Variants in FANK1 observed in about 807,000 individuals in gnomAD.
FANK1 encodes the protein fibronectin type 3 and ankyrin repeat domains protein 1.
In FANK1, 44 loss-of-function variants were observed where a neutral mutation model predicts 45.3. The observed-to-expected ratio is 0.97, with a 90% confidence interval of 0.76 to 1.25. The LOEUF (loss-of-function observed/expected upper bound fraction) is 1.25, where lower values mean the gene tolerates loss of function less well. FANK1 is among the 50% of genes most tolerant of loss of function. The probability of loss-of-function intolerance (pLI) is 0.00; values close to 1 mark genes in which losing one functional copy is unlikely to be tolerated. For synonymous variants in FANK1, 149 were observed against 152.5 expected, an observed-to-expected ratio of 0.98 and a Z score of 0.17; for missense variants, 391 against 424.4, an observed-to-expected ratio of 0.92 and a Z score of 0.69.
chr10:125,939,835 T>G (rs923759991), intron 1 of FANK1, among the ~76,000 whole-genome samples: 13 of 152,176 alleles, frequency 8.5e-5, no homozygotes, highest in African/African-American at 2.6e-4. Context: ...TCATTCTAAA[T>G]GCTAACATCA....
intron 1 of FANK1, among the ~76,000 whole-genome samples, chr10:125,925,893 T>C (rs775909713): frequency 2.6e-5 from 4 of 152,232 alleles, no homozygotes; most frequent in Non-Finnish European, 5.9e-5. Flanking sequence ...TACATGCATA[T>C]GTGTTTGTGT....
intron 1 of FANK1, among the ~76,000 whole-genome samples, chr10:125,905,053 C>T (rs1308437530): frequency 6.7e-6 from 1 of 150,284 alleles, no homozygotes; most frequent in South Asian, 2.1e-4. Flanking sequence ...ATGGTGTGAA[C>T]CCGGGAGGCG....
At chr10:125,959,664 C>CCTACTCTTT (rs1304604381) in intron 1 of FANK1, among the ~76,000 whole-genome samples, 1 of 152,104 alleles carries the variant, frequency 6.6e-6, no homozygotes, top group Non-Finnish European at 1.5e-5. Context: ...ATTAGTAAAA[C>CCTACTCTTT]CTACTCTTTT....
At chr10:126,008,732 C>CT (rs1169386168) in intron 8 of FANK1, among the ~76,000 whole-genome samples, 182 bp downstream of exon 8, 1 of 152,160 alleles carries the variant, frequency 6.6e-6, no homozygotes, top group Non-Finnish European at 1.5e-5. Flanking sequence ...CTTTCGTTGT[C>CT]TTTTTACAAC....
chr10:126,003,178 T>C (rs1952908692), intron 6 of FANK1, among the ~76,000 whole-genome samples: 1 of 151,876 alleles, frequency 6.6e-6, no homozygotes, highest in East Asian at 1.9e-4. Context: ...GAATGTCCTA[T>C]GTTCTGGATT....
chr10:125,928,280 A>T (rs77149631), intron 1 of FANK1, among the ~76,000 whole-genome samples: 231 of 53,612 alleles, frequency 4.3e-3, no homozygotes, highest in African/African-American at 0.011. Context: ...TTTTTTTTTT[A>T]AAGACCATGT....
chr10:126,009,036 C>T lies in FANK1; in HGVS notation c.850-18C>T. The T allele has an allele frequency of 1.2e-6, 2 of 1,613,152 alleles. No individual in the cohort carries two copies. ...GAGGGAGAAGCTCATGCACACCACC[C>T]TGGGTTTTGTTTTCTAGGTGGCTGT... On this transcript the variant is annotated intron_variant, in intron 8 of 10. Transcript: ENST00000368693.
chr10:125,930,940 T>A (rs1042974768), intron 1 of FANK1, among the ~76,000 whole-genome samples: 4 of 152,192 alleles, frequency 2.6e-5, no homozygotes, highest in African/African-American at 9.6e-5. Flanking sequence ...ATAGCTTAGC[T>A]CCACATATCA....
rs546278160 is a variant in FANK1 at position 125,983,422 on chromosome 10, T to G, written c.191+3084T>G. ...GGAAAAAATTCCTCCCTCATGATGA[T>G]GAAGGCAAACAATAAATAAGATACA... On this transcript the variant is annotated intron_variant, in intron 2 of 10. Transcript: ENST00000368693. The surrounding 1 kb of genome is among the most constrained non-coding windows in gnomAD (Gnocchi z 4.3). Among the ~76,000 whole-genome samples, 1 of 152,166 alleles carries G rather than the reference T, an allele frequency of 6.6e-6. No homozygotes were observed. Among genetic ancestry groups the G allele is most frequent in the African/African-American group, 2.4e-5 (1 of 41,516 alleles).
chr10:125,973,824 G>GTA, intron 1 of FANK1: 1 of 150,082 alleles, frequency 6.7e-6, no homozygotes, highest in Non-Finnish European at 1.5e-5. Flanking sequence ...TTGTTGAGGT[G>GTA]GTGTATGTTC....
At chr10:126,006,686 C>G (rs1291211233) in intron 7 of FANK1, among the ~76,000 whole-genome samples, 1 of 152,168 alleles carries the variant, frequency 6.6e-6, no homozygotes, top group African/African-American at 2.4e-5. Context: ...ATGGTGAAAC[C>G]CTGTCTCTAC....
At chr10:126,004,792 G>C (rs1953054690) in intron 6 of FANK1, 92 bp from the exon 7 acceptor site, 1 of 1,321,940 alleles carries the variant, frequency 7.6e-7, no homozygotes, top group African/African-American at 1.4e-5. Flanking sequence ...CTCAAGTTAG[G>C]ATTTCTTGGT....
intron 1 of FANK1, among the ~76,000 whole-genome samples, chr10:125,916,016 A>G (rs1946419297): frequency 6.6e-6 from 1 of 152,136 alleles, no homozygotes; most frequent in African/African-American, 2.4e-5. Context: ...TCCTCTGTGT[A>G]ATATGAGAAA....
At chr10:125,989,053 C>G (rs767595483) in intron 3 of FANK1, among the ~76,000 whole-genome samples, 1 of 152,164 alleles carries the variant, frequency 6.6e-6, no homozygotes, top group Middle Eastern at 3.2e-3. Context: ...CATTCAGTGT[C>G]ATATCCATTT....
At chr10:125,916,619 A>G (rs1188675549) in intron 1 of FANK1, among the ~76,000 whole-genome samples, 2 of 152,234 alleles carry the variant, frequency 1.3e-5, no homozygotes, top group Admixed American at 6.5e-5. Flanking sequence ...TATACACTAT[A>G]TGCAGTAGAA....
At chr10:125,996,194 C>T (rs369130536) in intron 4 of FANK1, among the ~76,000 whole-genome samples, 2 of 152,162 alleles carry the variant, frequency 1.3e-5, no homozygotes, top group African/African-American at 4.8e-5. Flanking sequence ...GACTCATGTT[C>T]GGTAGAGCTG....
intron 1 of FANK1, among the ~76,000 whole-genome samples, chr10:125,955,680 C>T (rs1206779948): frequency 5.3e-5 from 8 of 152,174 alleles, no homozygotes; most frequent in Non-Finnish European, 1.0e-4. Flanking sequence ...CCATGTTTCT[C>T]AGTCTGTTCT....
rs894386295 is a variant in FANK1, at chr10:125,950,986, C to T, written c.14-29175C>T. 6.7e-5 allele frequency among the ~76,000 whole-genome samples: 10 copies of T among 149,164 alleles called. No homozygotes were observed. The East Asian group carries it at 7.9e-4, about 12-fold the overall frequency. On this transcript the variant is annotated intron_variant, in intron 1 of 10. Transcript: ENST00000368693. ...GAAATCATCATTCTCAGTAAACTAT[C>T]GCAAGAACAAAAAACCAAACACCGC...
Position 125,916,602 on chromosome 10 carries a change from G to GTA in FANK1, c.13+19956_13+19957dup, listed in dbSNP as rs75940873. Reference sequence around the variant, plus strand: ...TCTGCAAATGAATAAACAAAATATGGTATATATATACACTATATGCAGTAG... The same window carrying GTA: ...TCTGCAAATGAATAAACAAAATATGGTATATATATATACACTATATGCAGTAG... On this transcript the variant is annotated intron_variant, in intron 1 of 10. Coordinates refer to ENST00000368693, the MANE Select transcript of FANK1 (RefSeq NM_145235.5). Among the ~76,000 whole-genome samples, 45 of 151,774 alleles carry GTA rather than the reference G, an allele frequency of 3.0e-4. 1 individual carries two copies. The East Asian group carries it at 6.5e-3, about 22-fold the overall frequency.
Sources: allele counts gnomAD v4.1 joint callset (sites outside exome capture counted in the v4.1 genomes callset), GRCh38; gene constraint gnomAD v4.1.1; non-coding constraint Gnocchi (gnomAD v3.1); transcripts MANE v1.5; gene names NCBI Gene and HGNC (gene_info 2026-07-23, HGNC 2026-07-21).